Variants in RANBP17 observed in about 807,000 individuals in gnomAD.
RANBP17 encodes RAN binding protein 17.
Under a neutral mutation model 141.2 loss-of-function variants are expected in RANBP17, and 158 were observed. That is an observed-to-expected ratio of 1.12 (90% confidence interval 0.98 to 1.28). RANBP17 has a LOEUF of 1.28. RANBP17 is among the 50% of genes most tolerant of loss of function. The pLI is 0.00. For missense variants in RANBP17, 1,438 were observed against 1,290.7 expected (o/e 1.11, Z -1.75); for synonymous variants, 430 against 450.0 (o/e 0.96, Z 0.56).
intron 24 of RANBP17, chr5:171,243,177 T>C (rs539693431): frequency 4.6e-4 from 87 of 188,404 alleles, no homozygotes; most frequent in African/African-American, 1.9e-3. Flanking sequence ...TTTTCCTCCT[T>C]CTAATCAATC....
In RANBP17 at chr5:170,955,681, T is replaced by TAC. The variant is rs1554141333; in HGVS notation, c.1574+1982_1574+1983dup. Reference sequence around the variant, plus strand: ...ATATATATATATATATATATATATATACACTGAATGAACTCTGTAGAGGAA... The same window carrying TAC: ...ATATATATATATATATATATATATATACACACTGAATGAACTCTGTAGAGGAA... On this transcript the variant is annotated intron_variant, in intron 13 of 27. Transcript: ENST00000523189. Among the ~76,000 whole-genome samples, 43 of 39,062 alleles carry TAC rather than the reference T, an allele frequency of 1.1e-3. 4 individuals are homozygous for TAC. The highest frequency in any genetic ancestry group is 6.0e-3 in the South Asian group (4 of 666). The allele number at this position is 39,062 out of a possible 152,430, so 25.6% of individuals were successfully genotyped here. A position where few individuals can be genotyped will look rare whatever the true frequency, so the allele number is the denominator to read the frequency against.
rs200187216 is a variant in RANBP17, at chr5:171,171,336, T to C, written c.1865+50T>C. 3.3e-4 allele frequency: 328 copies of C among 1,007,190 alleles called. 4 individuals are homozygous for C. In the South Asian group the frequency reaches 3.3e-3, roughly 10 times the overall value. 62.4% of individuals were successfully genotyped at this position (1,007,190 alleles called of 1,614,324 possible). On this transcript the variant is annotated intron_variant, in intron 16 of 27. Transcript: ENST00000523189. The stretch of plus-strand genomic sequence containing the variant: ...CATTATGTGTAAACAACCTAGCAGA[T>C]GCATTTAATTAACCAGGTATTCTCC...
rs533872026 is a variant in RANBP17 at position 170,881,358 on chromosome 5, A to G, written c.166-448A>G. ...GATAATTGGGGGCCAGAGAGAATATAGTCAGACATGGGTTTCAAGGAACAC... is the reference window on the plus strand; with the variant it reads ...GATAATTGGGGGCCAGAGAGAATATGGTCAGACATGGGTTTCAAGGAACAC... On this transcript the variant is annotated intron_variant, in intron 2 of 27. Coordinates refer to ENST00000523189, the MANE Select transcript of RANBP17 (RefSeq NM_022897.5). Among the ~76,000 whole-genome samples, 8 of 152,326 alleles carry G rather than the reference A, an allele frequency of 5.3e-5. No homozygotes were observed. In the East Asian group the frequency reaches 1.4e-3, roughly 26 times the overall value.
At chr5:171,247,619 TAATC>T (rs1483474335) in intron 24 of RANBP17, among the ~76,000 whole-genome samples, 1 of 152,206 alleles carries the variant, frequency 6.6e-6, no homozygotes, top group Admixed American at 6.5e-5. Context: ...GCTATCTTTT[TAATC>T]ATCCATCCAT....
At chr5:170,998,091 G>GAA (rs752377385) in intron 14 of RANBP17, among the ~76,000 whole-genome samples, 5 of 120,446 alleles carry the variant, frequency 4.2e-5, no homozygotes, top group Non-Finnish European at 8.9e-5. Context: ...CTCTACTGGA[G>GAA]AAAAAAAAAA....
At chr5:171,235,235 AAG>A (rs1459892704) in intron 22 of RANBP17, among the ~76,000 whole-genome samples, 2 of 152,172 alleles carry the variant, frequency 1.3e-5, no homozygotes, top group Non-Finnish European at 2.9e-5. Flanking sequence ...GCGGGCATAA[AAG>A]AGAATGAGAA....
intron 14 of RANBP17, among the ~76,000 whole-genome samples, chr5:171,101,495 T>A (rs909641869): frequency 3.3e-5 from 5 of 152,232 alleles, no homozygotes; most frequent in Non-Finnish European, 7.3e-5. Context: ...TGTGTGTCTT[T>A]GCATGTGAGA....
intron 5 of RANBP17, among the ~76,000 whole-genome samples, chr5:170,906,205 T>C (rs374052455): frequency 7.2e-4 from 110 of 152,176 alleles, no homozygotes; most frequent in African/African-American, 2.5e-3. Context: ...TTATAAACAC[T>C]CTTTCTAGCA....
chr5:170,972,274 C>T (rs1777044671), intron 14 of RANBP17, among the ~76,000 whole-genome samples: 1 of 150,136 alleles, frequency 6.7e-6, no homozygotes, highest in Non-Finnish European at 1.5e-5. Context: ...CTCCGCTTCC[C>T]AGGTTCAAGT....
At chr5:170,897,341 T>TTTCTTC (rs139362295) in intron 5 of RANBP17, 1 of 544,424 alleles carries the variant, frequency 1.8e-6, no homozygotes, top group Non-Finnish European at 3.5e-6. Context: ...GCTTGGCACA[T>TTTCTTC]TTCTTCTTCT....
intron 1 of RANBP17, among the ~76,000 whole-genome samples, chr5:170,877,660 CCTTG>C (rs1256293472): frequency 6.6e-6 from 1 of 152,154 alleles, no homozygotes; most frequent in African/African-American, 2.4e-5. Context: ...TCTGGTATCT[CCTTG>C]CTGTGTTTAT....
At chr5:170,947,643 G>C (rs941743977) in intron 12 of RANBP17, among the ~76,000 whole-genome samples, 1 of 152,152 alleles carries the variant, frequency 6.6e-6, no homozygotes, top group Non-Finnish European at 1.5e-5. Flanking sequence ...TCAGATGACA[G>C]CTGGGGCTGG....
intron 14 of RANBP17, among the ~76,000 whole-genome samples, chr5:171,142,077 T>A (rs1418118073): frequency 6.6e-6 from 1 of 152,206 alleles, no homozygotes; most frequent in Non-Finnish European, 1.5e-5. Flanking sequence ...TATCATTAGT[T>A]TCAAATCTTT....
At chr5:171,148,661 G>A (rs1195102053) in intron 14 of RANBP17, among the ~76,000 whole-genome samples, 1 of 151,890 alleles carries the variant, frequency 6.6e-6, no homozygotes, top group African/African-American at 2.4e-5. Flanking sequence ...TAAAGTAATT[G>A]GTTAAGAGTA....
At chr5:171,016,795 A>C (rs1419879535) in intron 14 of RANBP17, among the ~76,000 whole-genome samples, 1 of 151,920 alleles carries the variant, frequency 6.6e-6, no homozygotes, top group African/African-American at 2.4e-5. Context: ...TTCTTTAAAA[A>C]AAAAAGCGGG....
Position 171,242,753 on chromosome 5 carries a change from C to T in RANBP17, c.2709C>T (p.Ile903=). The change falls in exon 24 of 28, where the codon ATC becomes ATT. Residue 903 remains isoleucine (I), a synonymous_variant. Transcript: ENST00000523189. ...ECLTQDHMSF[I]INLEPPVLMY... ...TCACTCAGGACCATATGAGCTTCAT[C>T]ATCAACTTAGAGCCTCCTGTACTCA... The T allele has an allele frequency of 6.2e-7, 1 of 1,613,562 alleles. No homozygotes were observed. Among genetic ancestry groups the T allele is most frequent in the Non-Finnish European group, 8.5e-7 (1 of 1,179,558 alleles).
chr5:171,004,956 A>T (rs928534914), intron 14 of RANBP17, among the ~76,000 whole-genome samples: 3 of 152,104 alleles, frequency 2.0e-5, no homozygotes, highest in Admixed American at 2.0e-4. Flanking sequence ...CCTACAGCGG[A>T]GGCAAGTAGC....
chr5:170,938,663 C>A (rs1774081243), intron 12 of RANBP17, among the ~76,000 whole-genome samples: 1 of 152,072 alleles, frequency 6.6e-6, no homozygotes, highest in African/African-American at 2.4e-5. Flanking sequence ...TTATTGAAAA[C>A]TTTGTGATCT....
At chr5:171,008,269 C>T (rs781328489) in intron 14 of RANBP17, among the ~76,000 whole-genome samples, 9 of 152,206 alleles carry the variant, frequency 5.9e-5, no homozygotes, top group African/African-American at 7.2e-5. Context: ...GTGAAAAGAC[C>T]GCTTACTCGA....
Sources: gnomAD v4.1 joint callset for allele counts (sites outside exome capture counted in the v4.1 genomes callset) on GRCh38, gnomAD v4.1.1 for gene constraint, MANE v1.5 for transcripts, NCBI Gene and HGNC (gene_info 2026-07-23, HGNC 2026-07-21) for gene names.